ITPR2: variants seen among roughly 807,000 people sequenced by gnomAD.
The protein encoded by ITPR2 is inositol 1,4,5-trisphosphate-gated calcium channel ITPR2.
In ITPR2, 207 loss-of-function variants were observed where a neutral mutation model predicts 317.1. That is an observed-to-expected ratio of 0.65 (90% CI 0.58 to 0.73). The LOEUF is 0.73. Ranked by LOEUF, ITPR2 falls within the 30% of genes least tolerant of loss-of-function variation. ITPR2 has a pLI of 0.00. For synonymous variants in ITPR2, 1,156 were observed against 1,149.1 expected, an observed-to-expected ratio of 1.01 and a Z score of -0.12; for missense variants, 2,613 against 3,284.0, an observed-to-expected ratio of 0.80 and a Z score of 4.99.
intron 45 of ITPR2, among the ~76,000 whole-genome samples, chr12:26,452,481 A>G (rs896046873): frequency 4.6e-5 from 7 of 151,844 alleles, no homozygotes; most frequent in Non-Finnish European, 7.3e-5. Context: ...AGGCTCATGA[A>G]TTTCTATACT....
chr12:26,465,405 TAG>T (rs1320495750), intron 45 of ITPR2, among the ~76,000 whole-genome samples: 1 of 152,056 alleles, frequency 6.6e-6, no homozygotes, highest in Non-Finnish European at 1.5e-5. Flanking sequence ...AGAAATGGGT[TAG>T]AGAGAGAATA....
At chr12:26,633,708 G>T (rs1216547927) in intron 21 of ITPR2, among the ~76,000 whole-genome samples, 1 of 152,316 alleles carries the variant, frequency 6.6e-6, no homozygotes, top group African/African-American at 2.4e-5. Context: ...ACTGCAGGGA[G>T]GCACATCTGG....
chr12:26,494,129 T>A (rs779867441), intron 39 of ITPR2, 24 bp downstream of exon 39: 2 of 1,544,176 alleles, frequency 1.3e-6, no homozygotes, highest in Non-Finnish European at 1.8e-6. Context: ...ATAAATGTAA[T>A]CCCCATGATT....
At chr12:26,634,950 G>A (rs1946834231) in intron 21 of ITPR2, among the ~76,000 whole-genome samples, 2 of 149,636 alleles carry the variant, frequency 1.3e-5, no homozygotes, top group Admixed American at 6.6e-5. Context: ...CAACTTTTCA[G>A]GTTCTTTCAT....
intron 55 of ITPR2, among the ~76,000 whole-genome samples, chr12:26,381,430 T>A (rs1015366504): frequency 6.6e-6 from 1 of 152,200 alleles, no homozygotes; most frequent in African/African-American, 2.4e-5. Context: ...ATTTCCTATT[T>A]ATCTTTATAC....
intron 9 of ITPR2, among the ~76,000 whole-genome samples, chr12:26,707,955 C>G (rs1948584957): frequency 6.6e-6 from 1 of 151,930 alleles, no homozygotes; most frequent in South Asian, 2.1e-4. Context: ...ATACAAATTT[C>G]TCAAAAGAAG....
chr12:26,746,682 C>T (rs943826368), intron 2 of ITPR2, among the ~76,000 whole-genome samples: 1 of 152,174 alleles, frequency 6.6e-6, no homozygotes, highest in Non-Finnish European at 1.5e-5. Context: ...AATTTATGCT[C>T]ACCAATCAGA....
intron 37 of ITPR2, among the ~76,000 whole-genome samples, chr12:26,537,338 C>T (rs1944125549): frequency 6.6e-6 from 1 of 152,138 alleles, no homozygotes; most frequent in Admixed American, 6.5e-5. Context: ...ATATATGCTG[C>T]AGTCTATTTG....
chr12:26,668,246 G>C (rs919917572), intron 13 of ITPR2, among the ~76,000 whole-genome samples: 5 of 152,158 alleles, frequency 3.3e-5, no homozygotes, highest in African/African-American at 1.2e-4. Flanking sequence ...ACACATGATA[G>C]GGAAATAAAC....
chr12:26,339,882 G>A (rs1370212060), intron 56 of ITPR2, among the ~76,000 whole-genome samples: 1 of 152,152 alleles, frequency 6.6e-6, no homozygotes, highest in Non-Finnish European at 1.5e-5. Flanking sequence ...TACTATCATG[G>A]CAGAAAATGA....
At chr12:26,664,314 G>T (rs1242709656) in intron 14 of ITPR2, among the ~76,000 whole-genome samples, 2 of 132,494 alleles carry the variant, frequency 1.5e-5, no homozygotes, top group Non-Finnish European at 3.2e-5. Flanking sequence ...CTTCTAAACT[G>T]CTTTATAAAA....
In ITPR2 at chr12:26,658,098, G is replaced by GACAC. The variant is rs1184057455; in HGVS notation, c.1915_1918dup (p.Ser640CysfsTer3). ...AGTTACAGGGATAGCAGTGGTATTA[G>GACAC]ACACACACAGATCTGACAAATAATC... On this transcript the variant is annotated frameshift_variant, in exon 17 of 57. Coordinates refer to ENST00000381340, the MANE Select transcript of ITPR2 (RefSeq NM_002223.4). LOFTEE classifies it high-confidence loss of function. The GACAC allele has an allele frequency of 6.2e-7, 1 of 1,606,682 alleles. No homozygotes were observed. Among genetic ancestry groups the GACAC allele is most frequent in the African/African-American group, 1.3e-5 (1 of 74,572 alleles).
In ITPR2 at chr12:26,544,904, T is replaced by A. The variant is rs551323296; in HGVS notation, c.5073+5343A>T. On this transcript the variant is annotated intron_variant, in intron 37 of 56. Coordinates refer to ENST00000381340, the MANE Select transcript of ITPR2 (RefSeq NM_002223.4). ...ACTTTTCTGAGTCTCTCTTTTCACATTTGCAATGTGGAGGTAACACTGCCT... is the reference window on the plus strand; with the variant it reads ...ACTTTTCTGAGTCTCTCTTTTCACAATTGCAATGTGGAGGTAACACTGCCT... 1.1e-4 allele frequency among the ~76,000 whole-genome samples: 17 copies of A among 152,130 alleles called. No individual in the cohort carries two copies. In the East Asian group the frequency reaches 3.3e-3, roughly 29 times the overall value.
At chr12:26,459,820 C>A (rs533889441) in intron 45 of ITPR2, among the ~76,000 whole-genome samples, 1 of 152,308 alleles carries the variant, frequency 6.6e-6, no homozygotes, top group South Asian at 2.1e-4. Context: ...CCTAGCTCTC[C>A]CTTCTGAGAA....
At chr12:26,632,128 T>C (rs1398592672) in intron 21 of ITPR2, 69 bp from the exon 22 acceptor site, 2 of 1,260,712 alleles carry the variant, frequency 1.6e-6, no homozygotes, top group Non-Finnish European at 2.1e-6. Context: ...AAAACTCAGT[T>C]AGTCACAACC....
intron 55 of ITPR2, among the ~76,000 whole-genome samples, chr12:26,349,743 T>A (rs1417046160): frequency 6.6e-6 from 1 of 152,228 alleles, no homozygotes; most frequent in East Asian, 1.9e-4. Context: ...TGGCCCCTTT[T>A]TCATGGCACC....
intron 1 of ITPR2, among the ~76,000 whole-genome samples, chr12:26,829,874 T>C (rs1054507325): frequency 1.3e-5 from 2 of 152,166 alleles, no homozygotes; most frequent in African/African-American, 2.4e-5. Flanking sequence ...AGCACCAGGT[T>C]TCACCAATAG....
chr12:26,476,593 C>T (rs1942422241), intron 44 of ITPR2, among the ~76,000 whole-genome samples: 1 of 152,014 alleles, frequency 6.6e-6, no homozygotes, highest in African/African-American at 2.4e-5. Context: ...ACATCCCTTC[C>T]TCATATGCTC....
intron 45 of ITPR2, among the ~76,000 whole-genome samples, chr12:26,447,277 C>A (rs562687979): frequency 2.5e-4 from 38 of 151,988 alleles, no homozygotes; most frequent in African/African-American, 7.5e-4. Context: ...AGAAGAAGGG[C>A]AAATAAATCT....
Sources: allele counts gnomAD v4.1 joint callset (sites outside exome capture counted in the v4.1 genomes callset), GRCh38; gene constraint gnomAD v4.1.1; transcripts MANE v1.5; gene names NCBI Gene and HGNC (gene_info 2026-07-23, HGNC 2026-07-21).